The following RFX2 variants were observed in gnomAD, a reference collection of about 807,000 sequenced individuals.
The protein encoded by RFX2 is regulatory factor X2, also known as DNA-binding protein RFX2.
RFX2 carries 20 observed loss-of-function variants against 87.8 expected under a neutral mutation model. The ratio of observed to expected loss-of-function variants is 0.23; its 90% CI spans 0.16 to 0.33. The LOEUF (loss-of-function observed/expected upper bound fraction) is 0.33, where lower values mean the gene tolerates loss of function less well. RFX2 is among the 10% of genes least tolerant of loss of function. The pLI is 1.00. For missense variants in RFX2, 767 were observed against 1,012.3 expected, an observed-to-expected ratio of 0.76 and a Z score of 3.29; for synonymous variants, 397 against 431.3, an observed-to-expected ratio of 0.92 and a Z score of 0.98.
In RFX2 at chr19:6,063,105, C is replaced by G. The variant is rs1333749505; in HGVS notation, c.-8-15601G>C. ...CTCGCTCTTGCTCCTAGGCCGCCTT[C>G]TCCCTCATGCATCCAGCTACTTGGT... On this transcript the variant is annotated intron_variant, in intron 1 of 17. Coordinates refer to ENST00000303657, the MANE Select transcript of RFX2 (RefSeq NM_000635.4). The surrounding 1 kb of genome is among the most constrained non-coding windows in gnomAD (Gnocchi z 4.0). Among the ~76,000 whole-genome samples the G allele has an allele frequency of 6.6e-6, 1 of 152,176 alleles. No homozygotes were observed. Among genetic ancestry groups the G allele is most frequent in the African/African-American group, 2.4e-5 (1 of 41,446 alleles).
At chr19:6,046,083 C>A (rs908808491) in intron 2 of RFX2, among the ~76,000 whole-genome samples, 8 of 152,226 alleles carry the variant, frequency 5.3e-5, no homozygotes, top group Admixed American at 4.6e-4. Context: ...CAGTGGACCT[C>A]TGCACACTGT....
At chr19:6,093,758 A>T (rs2144888316) in intron 1 of RFX2, among the ~76,000 whole-genome samples, 1 of 152,220 alleles carries the variant, frequency 6.6e-6, no homozygotes, top group East Asian at 1.9e-4. Context: ...CTATTAGTCC[A>T]GCCATGAAAA....
At chr19:6,108,108 C>G (rs1323795308) in intron 1 of RFX2, among the ~76,000 whole-genome samples, 1 of 152,150 alleles carries the variant, frequency 6.6e-6, no homozygotes, top group Non-Finnish European at 1.5e-5. Flanking sequence ...GAACTCATTC[C>G]CAACCCAAGT....
Position 6,001,213 on chromosome 19 carries a change from G to T in RFX2, c.1859+602C>A, listed in dbSNP as rs144382427. 2.0e-3 allele frequency among the ~76,000 whole-genome samples: 306 copies of T among 152,276 alleles called. 1 individual carries two copies. The highest frequency in any genetic ancestry group is 2.5e-3 in the African/African-American group (105 of 41,544). ...CTTTTATGGTTGTTTCTCAAACTTG[G>T]TGTTTCGATATTTCACCAGGAGCCT... On this transcript the variant is annotated intron_variant, in intron 15 of 17. Transcript: ENST00000303657. The surrounding 1 kb of genome is among the most constrained non-coding windows in gnomAD (Gnocchi z 5.6).
At chr19:6,105,944 C>A (rs976280599) in intron 1 of RFX2, among the ~76,000 whole-genome samples, 18 of 152,048 alleles carry the variant, frequency 1.2e-4, no homozygotes, top group Admixed American at 1.2e-3. Context: ...CCTGGATGTA[C>A]CCAGCAGGCA....
chr19:6,077,763 C>G (rs2087713556), intron 1 of RFX2, among the ~76,000 whole-genome samples: 1 of 152,046 alleles, frequency 6.6e-6, no homozygotes, highest in South Asian at 2.1e-4. Flanking sequence ...GGGTGGATCA[C>G]CTGAGGTCAG....
rs2086866320 is a variant in RFX2, at chr19:6,024,893, G to A, written c.597+1270C>T. ...ACGGGAGTGAGGACGGGATCACGGTGAGGACGGGAGTCAGGACGGGATCAC... is the reference window on the plus strand; with the variant it reads ...ACGGGAGTGAGGACGGGATCACGGTAAGGACGGGAGTCAGGACGGGATCAC... On this transcript the variant is annotated intron_variant, in intron 6 of 17. Transcript: ENST00000303657. The surrounding 1 kb of genome is among the most constrained non-coding windows in gnomAD (Gnocchi z 5.0). Among the ~76,000 whole-genome samples, 1 of 144,208 alleles carries A rather than the reference G, an allele frequency of 6.9e-6. No individual in the cohort carries two copies. Among genetic ancestry groups the A allele is most frequent in the Non-Finnish European group, 1.5e-5 (1 of 65,942 alleles). 94.6% of individuals were successfully genotyped at this position (144,208 alleles called of 152,430 possible).
intron 1 of RFX2, among the ~76,000 whole-genome samples, chr19:6,097,176 A>G (rs2088042359): frequency 1.3e-5 from 2 of 152,334 alleles, no homozygotes; most frequent in Middle Eastern, 3.4e-3. Flanking sequence ...ACTGGGCAAC[A>G]GAGGAGACAG....
rs958668545 is a variant in RFX2 at position 6,064,854 on chromosome 19, C to T, written c.-8-17350G>A. Among the ~76,000 whole-genome samples, 5 of 152,130 alleles carry T rather than the reference C, an allele frequency of 3.3e-5. No individual in the cohort carries two copies. The highest frequency in any genetic ancestry group is 2.1e-4 in the South Asian group (1 of 4,834). On this transcript the variant is annotated intron_variant, in intron 1 of 17. Transcript: ENST00000303657. The surrounding 1 kb of genome is among the most constrained non-coding windows in gnomAD (Gnocchi z 4.8). ...TGATTTGATTCTGGAATTTAAGAAG[C>T]GGAGAAAGAGCCTAGTTCAAATTCA... is the stretch of plus-strand genomic sequence containing the variant.
At position 6,047,619 on chromosome 19, in the gene RFX2, G is replaced by T. The variant is rs1240369191; in HGVS notation, c.-8-115C>A. Reference sequence around the variant, plus strand: ...GTAACCAGCTACATTCTTCAAAGTCGAAAGGCAGAGACCCTGGTGGTACTG... The same window carrying T: ...GTAACCAGCTACATTCTTCAAAGTCTAAAGGCAGAGACCCTGGTGGTACTG... On this transcript the variant is annotated intron_variant, in intron 1 of 17. Coordinates refer to ENST00000303657, the MANE Select transcript of RFX2 (RefSeq NM_000635.4). The surrounding 1 kb of genome is among the most constrained non-coding windows in gnomAD (Gnocchi z 4.2). 3.7e-6 allele frequency: 3 copies of T among 805,310 alleles called. No individual in the cohort carries two copies. The highest frequency in any genetic ancestry group is 5.4e-5 in the East Asian group (2 of 36,928). 49.9% of individuals were successfully genotyped at this position (805,310 alleles called of 1,614,324 possible). A position where few individuals can be genotyped will look rare whatever the true frequency, so the allele number is the denominator to read the frequency against.
chr19:6,025,905 C>T (rs1317111513), intron 6 of RFX2, among the ~76,000 whole-genome samples: 2 of 151,454 alleles, frequency 1.3e-5, no homozygotes, highest in Non-Finnish European at 2.9e-5. Context: ...CCTGCCTCAG[C>T]CTCCCAAGTA....
In RFX2 at chr19:6,050,992, T is replaced by G. The variant is rs767427203; in HGVS notation, c.-8-3488A>C. On this transcript the variant is annotated intron_variant, in intron 1 of 17. Transcript: ENST00000303657. The surrounding 1 kb of genome is among the most constrained non-coding windows in gnomAD (Gnocchi z 4.6). ...GCAACCAGAAGACAATGGAGTGACA[T>G]TTTTAATATGCTGGGGGGGAAAACC... Among the ~76,000 whole-genome samples the G allele has an allele frequency of 6.6e-6, 1 of 152,150 alleles. No homozygotes were observed. Among genetic ancestry groups the G allele is most frequent in the Non-Finnish European group, 1.5e-5 (1 of 68,038 alleles).
chr19:6,046,437 C>T (rs891126375), intron 2 of RFX2, among the ~76,000 whole-genome samples: 13 of 151,536 alleles, frequency 8.6e-5, no homozygotes, highest in African/African-American at 2.7e-4. Context: ...AAAAATTAGC[C>T]GGGCGTGGTA....
chr19:6,087,200 G>C (rs2087867019), intron 1 of RFX2, among the ~76,000 whole-genome samples: 1 of 152,072 alleles, frequency 6.6e-6, no homozygotes, highest in African/African-American at 2.4e-5. Flanking sequence ...TGATAGACAG[G>C]GCGACAGGCA....
rs941813654 is a variant in RFX2, at chr19:6,044,669, G to A, written c.91-387C>T. Among the ~76,000 whole-genome samples the A allele has an allele frequency of 2.6e-5, 4 of 151,650 alleles. No individual in the cohort carries two copies. Among genetic ancestry groups the A allele is most frequent in the East Asian group, 2.0e-4 (1 of 5,088 alleles). ...AGTCTGCAGCAAGGTGACACTGATC[G>A]TCCCTAGTACAGAGGGGACTGCTGG... On this transcript the variant is annotated intron_variant, in intron 2 of 17. Coordinates refer to ENST00000303657, the MANE Select transcript of RFX2 (RefSeq NM_000635.4). This position sits in a 1 kb window ranked among gnomAD's most constrained non-coding sequence, Gnocchi z 5.3.
Position 6,016,001 on chromosome 19 carries a change from AAGG to A in RFX2, c.779+86_779+88del. 4.6e-6 allele frequency: 6 copies of A among 1,308,280 alleles called. No homozygotes were observed. The highest frequency in any genetic ancestry group is 6.2e-6 in the Non-Finnish European group (6 of 963,034). The allele number at this position is 1,308,280 out of a possible 1,614,324, so 81.0% of individuals were successfully genotyped here. The stretch of plus-strand genomic sequence containing the variant: ...GTGGCTGCGAATCAGGCCACCTGGA[AAGG>A]AGGAGGAAGCCTCGCATTTTCCCAA... On this transcript the variant is annotated intron_variant, in intron 7 of 17. Transcript: ENST00000303657. This position sits in a 1 kb window ranked among gnomAD's most constrained non-coding sequence, Gnocchi z 5.4.
chr19:6,001,111 T>C lies in RFX2; in HGVS notation c.1859+704A>G, dbSNP rs895465621. Reference sequence around the variant, plus strand: ...CAGAGCTCTCAGGACATCGCTCTACTGCCTTCTGGGTTTCTGCACATTGTT... The same window carrying C: ...CAGAGCTCTCAGGACATCGCTCTACCGCCTTCTGGGTTTCTGCACATTGTT... On this transcript the variant is annotated intron_variant, in intron 15 of 17. Transcript: ENST00000303657. This position sits in a 1 kb window ranked among gnomAD's most constrained non-coding sequence, Gnocchi z 5.6. Among the ~76,000 whole-genome samples, 10 of 152,238 alleles carry C rather than the reference T, an allele frequency of 6.6e-5. No homozygotes were observed. The highest frequency in any genetic ancestry group is 2.4e-4 in the African/African-American group (10 of 41,460).
rs556313255 is a variant in RFX2 at position 6,002,826 on chromosome 19, C to A, written c.1545G>T (p.Thr515=). 1.9e-6 allele frequency: 3 copies of A among 1,612,844 alleles called. No homozygotes were observed. The highest frequency in any genetic ancestry group is 2.7e-5 in the African/African-American group (2 of 74,916). The change falls in exon 14 of 18, where the codon ACG becomes ACT. Residue 515 remains threonine, a synonymous_variant. Transcript: ENST00000303657. This position sits in a 1 kb window ranked among gnomAD's most constrained non-coding sequence, Gnocchi z 6.7. ...SAFAQTLRRY[T]SLNHLAQAAR... ...CCGCCTGCGCCAGGTGGTTGAGGGA[C>A]GTGTAGCGCCGCAGCGTCTGGGCGA...
In RFX2 at chr19:6,047,787, A is replaced by G. The variant is rs112340406; in HGVS notation, c.-8-283T>C. On this transcript the variant is annotated intron_variant, in intron 1 of 17. Coordinates refer to ENST00000303657, the MANE Select transcript of RFX2 (RefSeq NM_000635.4). The surrounding 1 kb of genome is among the most constrained non-coding windows in gnomAD (Gnocchi z 4.2). The stretch of plus-strand genomic sequence containing the variant: ...GAATTCCTCAACAGAAGGCCGGGAC[A>G]CTGGCTCTGTGCCCAAGTCTGAGCA... Among the ~76,000 whole-genome samples the G allele has an allele frequency of 0.021, 3,172 of 152,342 alleles. 64 individuals carry two copies. The highest frequency in any genetic ancestry group is 0.031 in the Non-Finnish European group (2,098 of 68,034).
Sources: allele counts gnomAD v4.1 joint callset (sites outside exome capture counted in the v4.1 genomes callset), GRCh38; gene constraint gnomAD v4.1.1; non-coding constraint Gnocchi (gnomAD v3.1); transcripts MANE v1.5; gene names NCBI Gene and HGNC (gene_info 2026-07-23, HGNC 2026-07-21).